Variants in CEBPG observed in about 807,000 individuals in gnomAD.
The protein encoded by CEBPG is CCAAT/enhancer-binding protein gamma.
A neutral mutation model predicts 11.1 loss-of-function variants in CEBPG; 6 were observed. That is an observed-to-expected ratio of 0.54 (90% CI 0.30 to 1.07). CEBPG has a LOEUF of 1.07. Among genes scored for constraint, CEBPG ranks in the 50% least tolerant of loss-of-function variants. The pLI is 0.07. For synonymous variants in CEBPG, 66 were observed against 71.0 expected (o/e 0.93, Z 0.36); for missense variants, 161 against 187.4 (o/e 0.86, Z 0.82).
chr19:33,379,100 T>A, intron 1 of CEBPG, 44 bp from the exon 2 acceptor site: 1 of 714,214 alleles, frequency 1.4e-6, no homozygotes, highest in Non-Finnish European at 2.2e-6. Flanking sequence ...TCTCATTTGA[T>A]CCTGTCATTT....
chr19:33,379,203 T>A lies in CEBPG; in HGVS notation c.-37T>A. ...AAACCATTGATCACCCTGCTCTCAT[T>A]TCTACCTGTTCTGTGTTGGCAAGGG... On this transcript the variant is annotated 5_prime_UTR_variant, in exon 2 of 2. Transcript: ENST00000284000. 6.7e-7 allele frequency: 1 copy of A among 1,500,666 alleles called. No homozygotes were observed. Among genetic ancestry groups the A allele is most frequent in the Non-Finnish European group, 8.9e-7 (1 of 1,123,746 alleles). The allele number at this position is 1,500,666 out of a possible 1,614,324, so 93.0% of individuals were successfully genotyped here.
Position 33,379,295 on chromosome 19 carries a change from T to TG in CEBPG, c.56_57insG (p.Ile19MetfsTer45). On this transcript the variant is annotated frameshift_variant, in exon 2 of 2. Coordinates refer to ENST00000284000, the MANE Select transcript of CEBPG (RefSeq NM_001806.4). Reference sequence around the variant, plus strand: ...CCAGGGGTGAACGGAATTAGTGTTATCCATACCCAGGCACATGCCAGCGGC... The same window carrying TG: ...CCAGGGGTGAACGGAATTAGTGTTATGCCATACCCAGGCACATGCCAGCGGC... The TG allele has an allele frequency of 6.2e-7, 1 of 1,604,290 alleles. No homozygotes were observed. The highest frequency in any genetic ancestry group is 8.5e-7 in the Non-Finnish European group (1 of 1,175,272).
rs1474490866 is a variant in CEBPG, at chr19:33,380,788, A to G, written c.*1096A>G. The G allele has an allele frequency of 1.2e-5, 2 of 166,880 alleles. No individual in the cohort carries two copies. Among genetic ancestry groups the G allele is most frequent in the African/African-American group, 2.4e-5 (1 of 41,462 alleles). The allele number at this position is 166,880 out of a possible 1,614,324, so 10.3% of individuals were successfully genotyped here. On this transcript the variant is annotated 3_prime_UTR_variant, in exon 2 of 2. Transcript: ENST00000284000. ...AGAAAACTTGAAAGTGTAAGGTTTTAACCTTTAATTTATTTCTCTTAAATA... is the reference window on the plus strand; with the variant it reads ...AGAAAACTTGAAAGTGTAAGGTTTTGACCTTTAATTTATTTCTCTTAAATA...
chr19:33,376,659 C>T (rs1044334394), intron 1 of CEBPG, among the ~76,000 whole-genome samples: 2 of 152,196 alleles, frequency 1.3e-5, no homozygotes, highest in Non-Finnish European at 2.9e-5. Context: ...TTGAGTGATT[C>T]ACATGGAAGG....
chr19:33,378,410 G>C (rs1445738676), intron 1 of CEBPG, among the ~76,000 whole-genome samples: 3 of 152,148 alleles, frequency 2.0e-5, no homozygotes, highest in Non-Finnish European at 4.4e-5. Flanking sequence ...TGTGGTTTCA[G>C]GTTGAGTGTG....
Position 33,379,397 on chromosome 19 carries a change from A to T in CEBPG, c.158A>T (p.Lys53Ile). 1 of 1,614,108 alleles carries T rather than the reference A, an allele frequency of 6.2e-7. No individual in the cohort carries two copies. Among genetic ancestry groups the T allele is most frequent in the Non-Finnish European group, 8.5e-7 (1 of 1,180,012 alleles). Residue 53 changes from lysine to isoleucine, a missense_variant, in exon 2 of 2, where the codon AAA becomes ATA. Coordinates refer to ENST00000284000, the MANE Select transcript of CEBPG (RefSeq NM_001806.4). The part of the protein sequence containing the change: ...GKAVAPSKQS[K>I]KSSPMDRNSD... ...GCTGTGGCTCCCAGCAAGCAGAGCA[A>T]AAAGAGTTCGCCCATGGATCGAAAC... is the stretch of plus-strand genomic sequence containing the variant.
Position 33,379,737 on chromosome 19 carries a change from A to G in CEBPG, c.*45A>G. On this transcript the variant is annotated 3_prime_UTR_variant, in exon 2 of 2. Transcript: ENST00000284000. ...TTAGAGCTTGTGGCTTGAATGTTAA[A>G]GGTGTGACCACCGACACCACTCATG... 1 of 1,525,210 alleles carries G rather than the reference A, an allele frequency of 6.6e-7. No individual in the cohort carries two copies. Among genetic ancestry groups the G allele is most frequent in the African/African-American group, 1.4e-5 (1 of 72,348 alleles). The allele number at this position is 1,525,210 out of a possible 1,614,324, so 94.5% of individuals were successfully genotyped here.
In CEBPG at chr19:33,382,054, C is replaced by G. The variant is rs559404247; in HGVS notation, c.*2362C>G. The G allele has an allele frequency of 6.0e-5, 10 of 167,216 alleles. No homozygotes were observed. Among genetic ancestry groups the G allele is most frequent in the Admixed American group, 3.3e-4 (5 of 15,306 alleles). 10.4% of individuals were successfully genotyped at this position (167,216 alleles called of 1,614,324 possible). On this transcript the variant is annotated 3_prime_UTR_variant, in exon 2 of 2. Coordinates refer to ENST00000284000, the MANE Select transcript of CEBPG (RefSeq NM_001806.4). ...TGAGGTGACTTTTGTAACTTTTGTT[C>G]TGTGTGTGACCTGTGAACCACTAGG...
At chr19:33,375,779 G>T (rs762040668) in intron 1 of CEBPG, among the ~76,000 whole-genome samples, 2 of 152,190 alleles carry the variant, frequency 1.3e-5, no homozygotes, top group Admixed American at 6.6e-5. Context: ...CCAAAGAAAA[G>T]AGAAAGCACA....
At position 33,379,662 on chromosome 19, in the gene CEBPG, G is replaced by A. The variant is rs1192345713; in HGVS notation, c.423G>A (p.Thr141=). 7.4e-6 allele frequency: 12 copies of A among 1,612,520 alleles called. No individual in the cohort carries two copies. Among genetic ancestry groups the A allele is most frequent in the East Asian group, 2.2e-5 (1 of 44,840 alleles). The stretch of plus-strand genomic sequence containing the variant: ...TACAGTCCATTAGCACTGAAAATAC[G>A]ACAGCAGATGGCGACAATGCAGGAC... ...DNVQSISTEN[T]TADGDNAGQ The change falls in exon 2 of 2, where the codon ACG becomes ACA. Residue 141 remains threonine, a synonymous_variant. Coordinates refer to ENST00000284000, the MANE Select transcript of CEBPG (RefSeq NM_001806.4).
intron 1 of CEBPG, chr19:33,374,236 C>T (rs1228951641): frequency 6.6e-6 from 1 of 151,768 alleles, no homozygotes; most frequent in Non-Finnish European, 1.5e-5. Flanking sequence ...GCCCGGCCCC[C>T]TCTCGGTGAA....
rs1260507456 is a variant in CEBPG at position 33,381,589 on chromosome 19, A to G, written c.*1897A>G. ...GATCCTACTGGCTCCTTAGCAGCTG[A>G]TTGGTGTTACATAATTAACTTAATT... On this transcript the variant is annotated 3_prime_UTR_variant, in exon 2 of 2. Transcript: ENST00000284000. The G allele has an allele frequency of 1.8e-5, 3 of 167,062 alleles. No individual in the cohort carries two copies. The highest frequency in any genetic ancestry group is 3.8e-4 in the East Asian group (2 of 5,202). The allele number at this position is 167,062 out of a possible 1,614,324, so 10.3% of individuals were successfully genotyped here.
rs1156852933 is a variant in CEBPG at position 33,381,967 on chromosome 19, A to G, written c.*2275A>G. 1.2e-5 allele frequency: 2 copies of G among 167,132 alleles called. No homozygotes were observed. The highest frequency in any genetic ancestry group is 2.9e-5 in the Non-Finnish European group (2 of 68,128). 10.4% of individuals were successfully genotyped at this position (167,132 alleles called of 1,614,324 possible). A position where few individuals can be genotyped will look rare whatever the true frequency, so the allele number is the denominator to read the frequency against. On this transcript the variant is annotated 3_prime_UTR_variant, in exon 2 of 2. Transcript: ENST00000284000. ...TGAAAGCTTTTAATTTGATAGATTT[A>G]TCAGTATAAAATTAGGGAAACCACG...
intron 1 of CEBPG, among the ~76,000 whole-genome samples, chr19:33,376,659 C>G (rs1044334394): frequency 1.3e-5 from 2 of 152,196 alleles, no homozygotes; most frequent in Non-Finnish European, 2.9e-5. Context: ...TTGAGTGATT[C>G]ACATGGAAGG....
intron 1 of CEBPG, among the ~76,000 whole-genome samples, 169 bp downstream of exon 1, chr19:33,374,064 C>T (rs1967879250): frequency 1.3e-5 from 2 of 150,228 alleles, no homozygotes; most frequent in African/African-American, 4.9e-5. Flanking sequence ...CGGCGCCGCG[C>T]GGCGTCTGAT....
At chr19:33,376,740 TGAATTTA>T (rs1967916726) in intron 1 of CEBPG, among the ~76,000 whole-genome samples, 1 of 152,230 alleles carries the variant, frequency 6.6e-6, no homozygotes, top group Non-Finnish European at 1.5e-5. Context: ...GAGCCAGACT[TGAATTTA>T]GGACTGAGTG....
rs947871093 is a variant in CEBPG, at chr19:33,373,818, C to T, written c.-174C>T. On this transcript the variant is annotated 5_prime_UTR_variant, in exon 1 of 2. Transcript: ENST00000284000. ...CCTCGCTGACTCGCGGGCTGTGAGG[C>T]CTGGGTCGGCTCGGGCCGCACCGCG... 6.6e-6 allele frequency: 1 copy of T among 151,716 alleles called. No homozygotes were observed. The highest frequency in any genetic ancestry group is 1.5e-5 in the Non-Finnish European group (1 of 67,968). 9.4% of individuals were successfully genotyped at this position (151,716 alleles called of 1,614,324 possible).
Position 33,381,848 on chromosome 19 carries a change from C to T in CEBPG, c.*2156C>T, listed in dbSNP as rs1257029559. 6.0e-6 allele frequency: 1 copy of T among 166,984 alleles called. No homozygotes were observed. Among genetic ancestry groups the T allele is most frequent in the Non-Finnish European group, 1.5e-5 (1 of 68,118 alleles). 10.3% of individuals were successfully genotyped at this position (166,984 alleles called of 1,614,324 possible). A position where few individuals can be genotyped will look rare whatever the true frequency, so the allele number is the denominator to read the frequency against. On this transcript the variant is annotated 3_prime_UTR_variant, in exon 2 of 2. Transcript: ENST00000284000. ...AAATGGGTTCAAGCTTTCCTATTAG[C>T]CATGGAAATGCAAAGTTTAGCAGAA... is the stretch of plus-strand genomic sequence containing the variant.
At chr19:33,378,825 T>C (rs1967946119) in intron 1 of CEBPG, among the ~76,000 whole-genome samples, 1 of 152,190 alleles carries the variant, frequency 6.6e-6, no homozygotes, top group African/African-American at 2.4e-5. Flanking sequence ...CCCTGGGAGA[T>C]TGTCAAGTGC....
Sources: gnomAD v4.1 joint callset for allele counts (sites outside exome capture counted in the v4.1 genomes callset) on GRCh38, gnomAD v4.1.1 for gene constraint, MANE v1.5 for transcripts, NCBI Gene and HGNC (gene_info 2026-07-23, HGNC 2026-07-21) for gene names.